IFT88: variants seen among roughly 807,000 people sequenced by gnomAD.
The protein encoded by IFT88 is intraflagellar transport protein 88 homolog.
A neutral mutation model predicts 119.5 loss-of-function variants in IFT88; 74 were observed. The observed-to-expected ratio is 0.62, with a 90% confidence interval of 0.51 to 0.75. The LOEUF (loss-of-function observed/expected upper bound fraction) is 0.75. Ranked by LOEUF, IFT88 falls within the 30% of genes least tolerant of loss-of-function variation. The probability of loss-of-function intolerance (pLI) is 0.00; values close to 1 mark genes in which losing one functional copy is unlikely to be tolerated. For synonymous variants in IFT88, 279 were observed against 316.7 expected (o/e 0.88, Z 1.26); for missense variants, 961 against 977.7 (o/e 0.98, Z 0.23).
At position 20,644,927 on chromosome 13, in the gene IFT88, A is replaced by G. The variant is rs766469865; in HGVS notation, c.1918A>G (p.Ile640Val). The change falls in exon 20 of 26, where the codon ATT becomes GTT. Residue 640 changes from isoleucine to valine, a missense_variant. Ile to Val is a conservative substitution (Grantham distance 29). Transcript: ENST00000351808. ...TGACACCCAATTTTGGGAAAAAGCT[A>G]TTCAGTACTTTGAAAGAGCTTCTCT... The part of the protein sequence containing the change: ...YIDTQFWEKA[I>V]QYFERASLIQ... 4 of 1,591,304 alleles carry G rather than the reference A, an allele frequency of 2.5e-6. No individual in the cohort carries two copies. Among genetic ancestry groups the G allele is most frequent in the Non-Finnish European group, 3.4e-6 (4 of 1,161,400 alleles).
intron 1 of IFT88, chr13:20,567,911 G>A (rs2035246037): frequency 1.5e-6 from 1 of 687,584 alleles, no homozygotes; most frequent in Non-Finnish European, 2.6e-6. Context: ...CTTGGAAGTA[G>A]ACCAAGGGTG....
rs117589604 is a variant in IFT88 at position 20,594,964 on chromosome 13, G to A, written c.399-1186G>A. ...TAAAATTTTATTTAGGCATTGATGT[G>A]TATTCAGAGTATTGTTGTATTTTGC... On this transcript the variant is annotated intron_variant, in intron 7 of 25. Coordinates refer to ENST00000351808, the MANE Select transcript of IFT88 (RefSeq NM_006531.5). Among the ~76,000 whole-genome samples the A allele has an allele frequency of 9.4e-3, 1,427 of 152,280 alleles. 16 individuals are homozygous for A. Among genetic ancestry groups the A allele is most frequent in the Non-Finnish European group, 0.015 (1,002 of 68,016 alleles).
At chr13:20,677,484 T>C (rs1040016221) in intron 24 of IFT88, among the ~76,000 whole-genome samples, 6 of 152,182 alleles carry the variant, frequency 3.9e-5, no homozygotes, top group Non-Finnish European at 8.8e-5. Context: ...TCCCTAGCTG[T>C]GGTGCGCTGC....
chr13:20,602,034 C>T (rs2042673038), intron 12 of IFT88, 101 bp downstream of exon 12: 2 of 672,092 alleles, frequency 3.0e-6, no homozygotes, highest in African/African-American at 1.8e-5. Context: ...TGGGTTTTTC[C>T]CAGGCCTGTA....
At chr13:20,681,067 AG>A (rs1434240306) in intron 24 of IFT88, among the ~76,000 whole-genome samples, 2 of 152,232 alleles carry the variant, frequency 1.3e-5, no homozygotes, top group African/African-American at 2.4e-5. Flanking sequence ...TTGTCATTTT[AG>A]GGAGAGATTC....
Position 20,631,057 on chromosome 13 carries a change from A to G in IFT88, c.1341A>G (p.Arg447=), listed in dbSNP as rs2048135002. The stretch of plus-strand genomic sequence containing the variant: ...AAGTGTTGGAAAAAAAGGACAGTAG[A>G]GTGAAAAGTGCAGCTGCAACCAATC... ...ILKVLEKKDS[R]VKSAAATNLS... is the part of the protein sequence containing the mutation. The change falls in exon 16 of 26, where the codon AGA becomes AGG. Residue 447 remains arginine, a synonymous_variant. Coordinates refer to ENST00000351808, the MANE Select transcript of IFT88 (RefSeq NM_006531.5). The G allele has an allele frequency of 4.4e-6, 7 of 1,607,036 alleles. No individual in the cohort carries two copies. The East Asian group carries it at 6.7e-5, about 15-fold the overall frequency.
chr13:20,667,448 T>A (rs1321272208), intron 23 of IFT88, among the ~76,000 whole-genome samples: 4 of 152,134 alleles, frequency 2.6e-5, no homozygotes, highest in Non-Finnish European at 5.9e-5. Context: ...AGGAATTCCC[T>A]GCCCAGTGTC....
intron 24 of IFT88, among the ~76,000 whole-genome samples, chr13:20,685,014 G>T (rs189706471): frequency 6.6e-6 from 1 of 152,234 alleles, no homozygotes; most frequent in South Asian, 2.1e-4. Flanking sequence ...GCTGACAGCC[G>T]TCAGAGCTGA....
chr13:20,635,853 GC>G (rs2048951541), intron 16 of IFT88, among the ~76,000 whole-genome samples: 2 of 151,866 alleles, frequency 1.3e-5, no homozygotes, highest in African/African-American at 2.4e-5. Context: ...TAACAAACCT[GC>G]ACATTCTGCA....
At chr13:20,629,873 C>G (rs2047927415) in intron 15 of IFT88, among the ~76,000 whole-genome samples, 1 of 152,136 alleles carries the variant, frequency 6.6e-6, no homozygotes, top group Non-Finnish European at 1.5e-5. Context: ...GAAGGAAAAC[C>G]CAGTGCCTTT....
chr13:20,608,887 C>G (rs2043980268), intron 13 of IFT88, among the ~76,000 whole-genome samples: 1 of 152,078 alleles, frequency 6.6e-6, no homozygotes, highest in Non-Finnish European at 1.5e-5. Context: ...AAACTGCTCT[C>G]TCTCTCTCCT....
Position 20,605,046 on chromosome 13 carries a change from T to G in IFT88, c.1053T>G (p.His351Gln). Residue 351 changes from histidine to glutamine, a missense_variant, in exon 13 of 26, where the codon CAT becomes CAG. Physicochemically the swap from His to Gln is conservative, Grantham distance 24 (BLOSUM62 0). Transcript: ENST00000351808. ...TTTTATTTTACCAGGATGATCCTCA[T>G]ACTAACTTAGTAACTGAAGCTATAA... ...DKYISPSDDP[H>Q]TNLVTEAIKN... is the part of the protein sequence containing the mutation. 1 of 1,465,762 alleles carries G rather than the reference T, an allele frequency of 6.8e-7. No homozygotes were observed. The allele number at this position is 1,465,762 out of a possible 1,614,324, so 90.8% of individuals were successfully genotyped here.
At position 20,598,681 on chromosome 13, in the gene IFT88, G is replaced by C; in HGVS notation, c.625G>C (p.Val209Leu). ...TTTCAATTTGGCCAGTCAGTATTCA[G>C]TTAATGAAATGTATGCCGAAGCACT... ...VLFNLASQYS[V>L]NEMYAEALNT... Residue 209 changes from valine to leucine, a missense_variant, in exon 10 of 26, where the codon GTT (valine) becomes CTT (leucine). Physicochemically the swap from Val to Leu is conservative, Grantham distance 32. Transcript: ENST00000351808. 1 of 1,611,086 alleles carries C rather than the reference G, an allele frequency of 6.2e-7. No homozygotes were observed. Among genetic ancestry groups the C allele is most frequent in the Non-Finnish European group, 8.5e-7 (1 of 1,178,048 alleles).
intron 14 of IFT88, among the ~76,000 whole-genome samples, chr13:20,622,383 T>C (rs2046680303): frequency 1.3e-5 from 2 of 152,194 alleles, no homozygotes; most frequent in African/African-American, 2.4e-5. Context: ...TAAGTATATA[T>C]TTGGTTTTGT....
intron 24 of IFT88, among the ~76,000 whole-genome samples, chr13:20,675,459 A>C (rs2056545152): frequency 6.6e-6 from 1 of 152,236 alleles, no homozygotes; most frequent in African/African-American, 2.4e-5. Context: ...ACAGCACCAG[A>C]GCACCAAAGT....
At chr13:20,688,111 G>A (rs912133310) in intron 24 of IFT88, among the ~76,000 whole-genome samples, 1 of 152,340 alleles carries the variant, frequency 6.6e-6, no homozygotes. Flanking sequence ...CGAGGCAGGC[G>A]CATCACCTGA....
rs367548129 is a variant in IFT88, at chr13:20,590,999, A to G, written c.243A>G (p.Arg81=). 102 of 1,610,134 alleles carry G rather than the reference A, an allele frequency of 6.3e-5. No homozygotes were observed. The highest frequency in any genetic ancestry group is 1.2e-4 in the Admixed American group (7 of 59,690). Residue 81 remains arginine (R), a synonymous_variant, in exon 5 of 26, where the codon AGA becomes AGG. Transcript: ENST00000351808. ...CATCTCTGGCATCATCAATAGGAAG[A>G]CCAATGACAGGGGCTATTCAGGTAT... The part of the protein sequence containing the change: ...SKTSLASSIG[R]PMTGAIQDGV...
chr13:20,615,987 C>A, intron 14 of IFT88, 108 bp downstream of exon 14: 2 of 533,942 alleles, frequency 3.7e-6, no homozygotes, highest in Non-Finnish European at 3.1e-6. Flanking sequence ...AATGTTGATT[C>A]ATATTTATCA....
intron 17 of IFT88, among the ~76,000 whole-genome samples, chr13:20,638,773 A>G (rs2049413548): frequency 6.6e-6 from 1 of 152,226 alleles, no homozygotes. Context: ...CACAGTGTAT[A>G]ATACTAATTT....
Sources: gnomAD v4.1 joint callset for allele counts (sites outside exome capture counted in the v4.1 genomes callset) on GRCh38, gnomAD v4.1.1 for gene constraint, MANE v1.5 for transcripts, NCBI Gene and HGNC (gene_info 2026-07-23, HGNC 2026-07-21) for gene names.